TIMM23: variants seen among roughly 807,000 people sequenced by gnomAD.
The protein encoded by TIMM23 is mitochondrial import inner membrane translocase subunit Tim23.
In TIMM23, 19 loss-of-function variants were observed where a neutral mutation model predicts 30.7. The observed-to-expected ratio is 0.62, with a 90% CI of 0.43 to 0.91. TIMM23 has a LOEUF of 0.91. Among genes scored for constraint, TIMM23 ranks in the 40% least tolerant of loss-of-function variants. TIMM23 has a pLI of 0.00. For synonymous variants in TIMM23, 78 were observed against 98.5 expected (o/e 0.79, Z 1.23); for missense variants, 202 against 269.2 (o/e 0.75, Z 1.75).
At chr10:46,002,810 ATTTTTTTT>A (rs386371331) in intron 6 of TIMM23, among the ~76,000 whole-genome samples, 33 of 95,074 alleles carry the variant, frequency 3.5e-4, no homozygotes, top group South Asian at 3.2e-3. Flanking sequence ...ATTTCATAGT[ATTTTTTTT>A]TTTTTTTTTT....
At chr10:45,978,409 A>G (rs1837741620) in intron 2 of TIMM23, among the ~76,000 whole-genome samples, 1 of 152,230 alleles carries the variant, frequency 6.6e-6, no homozygotes, top group South Asian at 2.1e-4. Context: ...CATATTATGT[A>G]TCTGATAAGG....
intron 6 of TIMM23, among the ~76,000 whole-genome samples, chr10:45,991,394 G>A (rs1163102865): frequency 8.5e-5 from 13 of 152,188 alleles, no homozygotes; most frequent in Admixed American, 2.0e-4. Flanking sequence ...GTAGAAGCCT[G>A]AAGTCAAAAT....
intron 6 of TIMM23, among the ~76,000 whole-genome samples, chr10:45,993,862 A>T (rs1335138545): frequency 6.6e-6 from 1 of 152,014 alleles, no homozygotes; most frequent in Non-Finnish European, 1.5e-5. Context: ...GATGAAATGA[A>T]ATGAAATAAT....
chr10:45,997,637 C>A (rs1249609789), intron 6 of TIMM23, among the ~76,000 whole-genome samples: 1 of 152,018 alleles, frequency 6.6e-6, no homozygotes, highest in Non-Finnish European at 1.5e-5. Flanking sequence ...TATAGGGAGA[C>A]CTCATCTCTA....
chr10:46,001,475 CTG>C (rs1404273045), intron 6 of TIMM23, among the ~76,000 whole-genome samples: 1 of 152,182 alleles, frequency 6.6e-6, no homozygotes, highest in Non-Finnish European at 1.5e-5. Context: ...AGTCTTCAGA[CTG>C]GAGAGATTCC....
intron 1 of TIMM23, 150 bp downstream of exon 1, chr10:45,972,880 G>A: frequency 2.1e-6 from 3 of 1,433,878 alleles, no homozygotes; most frequent in Non-Finnish European, 2.8e-6. Flanking sequence ...TATCTGCATG[G>A]CTGCTCTTTC....
chr10:46,003,395 T>C lies in TIMM23; in HGVS notation c.*77T>C. ...TTTATAAGACAGTTTGGAGTTATTC[T>C]CTCTCTTCTACCTACAATTAGTTTG... On this transcript the variant is annotated 3_prime_UTR_variant, in exon 7 of 7. Coordinates refer to ENST00000580018, the MANE Select transcript of TIMM23 (RefSeq NM_006327.4). The C allele has an allele frequency of 9.8e-7, 1 of 1,020,440 alleles. No individual in the cohort carries two copies. The allele number at this position is 1,020,440 out of a possible 1,614,324, so 63.2% of individuals were successfully genotyped here.
chr10:45,993,669 G>T (rs1346043183), intron 6 of TIMM23, among the ~76,000 whole-genome samples: 43 of 152,080 alleles, frequency 2.8e-4, no homozygotes, highest in South Asian at 8.3e-4. Context: ...GAAATGGAAT[G>T]AAATGAAGAG....
At chr10:45,994,832 A>G (rs1404465624) in intron 6 of TIMM23, among the ~76,000 whole-genome samples, 1 of 152,032 alleles carries the variant, frequency 6.6e-6, no homozygotes, top group East Asian at 1.9e-4. Context: ...CTAAATGTAA[A>G]CTTCTTCAGT....
intron 2 of TIMM23, among the ~76,000 whole-genome samples, chr10:45,982,191 CTGAT>C (rs1176737005): frequency 9.8e-5 from 15 of 152,324 alleles, no homozygotes; most frequent in African/African-American, 2.9e-4. Context: ...TTCTTCCAGA[CTGAT>C]TGTCTGTTCT....
intron 6 of TIMM23, chr10:45,998,274 C>G (rs2132282701): frequency 1.8e-6 from 1 of 544,966 alleles, no homozygotes; most frequent in East Asian, 1.5e-4. Context: ...TGCCACTAAT[C>G]AACCCTATAT....
At chr10:45,988,624 G>A (rs1408800293) in intron 5 of TIMM23, 113 bp from the exon 6 acceptor site, 4 of 741,768 alleles carry the variant, frequency 5.4e-6, no homozygotes, top group African/African-American at 1.7e-5. Flanking sequence ...AGTCACTTAG[G>A]AAGGGCTATG....
In TIMM23 at chr10:45,980,710, G is replaced by C. The variant is rs1165704759; in HGVS notation, c.166-1813G>C. Among the ~76,000 whole-genome samples the C allele has an allele frequency of 2.0e-5, 3 of 152,068 alleles. No individual in the cohort carries two copies. In the East Asian group the frequency reaches 5.8e-4, roughly 29 times the overall value. On this transcript the variant is annotated intron_variant, in intron 2 of 6. Transcript: ENST00000580018. Reference sequence around the variant, plus strand: ...GGATTTTAGTAATACTAGTGTCCTGGAGTGTCAGCAGAACAGGTTTAACAA... The same window carrying C: ...GGATTTTAGTAATACTAGTGTCCTGCAGTGTCAGCAGAACAGGTTTAACAA...
chr10:45,990,147 C>T (rs78724144), intron 6 of TIMM23, among the ~76,000 whole-genome samples: 2 of 142,034 alleles, frequency 1.4e-5, no homozygotes, highest in Admixed American at 7.3e-5. Context: ...TTTTTTGAGA[C>T]GGAGTCTAGG....
intron 1 of TIMM23, among the ~76,000 whole-genome samples, chr10:45,973,545 C>T (rs1554912341): frequency 0.038 from 5,813 of 152,306 alleles, 106 homozygotes; most frequent in East Asian, 0.051. Context: ...GAAATATGTT[C>T]AGACTGTAGT....
chr10:45,999,569 G>T (rs1590132799), intron 6 of TIMM23, among the ~76,000 whole-genome samples: 2 of 152,142 alleles, frequency 1.3e-5, no homozygotes, highest in African/African-American at 4.8e-5. Context: ...GTGGGTCAGA[G>T]ACATCAAGTA....
At chr10:45,989,099 A>T (rs1251490754) in intron 6 of TIMM23, among the ~76,000 whole-genome samples, 5 of 152,330 alleles carry the variant, frequency 3.3e-5, no homozygotes, top group Admixed American at 1.3e-4. Context: ...GAACTTTTTC[A>T]TCTTGCAAAA....
chr10:45,999,380 T>C (rs1377667524), intron 6 of TIMM23, among the ~76,000 whole-genome samples: 1 of 152,182 alleles, frequency 6.6e-6, no homozygotes, highest in Non-Finnish European at 1.5e-5. Flanking sequence ...TTTTCTATTT[T>C]CCTTAAGCGT....
intron 6 of TIMM23, among the ~76,000 whole-genome samples, chr10:45,998,098 A>C (rs2132282334): frequency 6.6e-6 from 1 of 152,324 alleles, no homozygotes; most frequent in South Asian, 2.1e-4. Flanking sequence ...GAGAAGGCTA[A>C]GAATGTGTTT....
Sources: gnomAD v4.1 joint callset for allele counts (sites outside exome capture counted in the v4.1 genomes callset) on GRCh38, gnomAD v4.1.1 for gene constraint, MANE v1.5 for transcripts, NCBI Gene and HGNC (gene_info 2026-07-23, HGNC 2026-07-21) for gene names.